Variants in PPHLN1 observed in about 807,000 individuals in gnomAD.
PPHLN1 encodes periphilin-1.
Under a neutral mutation model 51.3 loss-of-function variants are expected in PPHLN1, and 29 were observed. That is an observed-to-expected ratio of 0.57 (90% CI 0.42 to 0.77). PPHLN1 has a LOEUF of 0.77. Among genes scored for constraint, PPHLN1 ranks in the 30% least tolerant of loss-of-function variants. The pLI, the probability that PPHLN1 is intolerant of heterozygous loss-of-function variation, is 0.00. For synonymous variants in PPHLN1, 147 were observed against 147.8 expected, an observed-to-expected ratio of 0.99 and a Z score of 0.04; for missense variants, 436 against 438.4, an observed-to-expected ratio of 0.99 and a Z score of 0.05.
intron 5 of PPHLN1, among the ~76,000 whole-genome samples, chr12:42,378,513 A>G (rs903452084): frequency 1.3e-5 from 2 of 152,256 alleles, no homozygotes; most frequent in Admixed American, 6.5e-5. Context: ...TAAGTTTTCT[A>G]GTATAAATTG....
intron 9 of PPHLN1, among the ~76,000 whole-genome samples, chr12:42,420,698 T>G: frequency 4.5e-5 from 1 of 22,330 alleles, no homozygotes; most frequent in Admixed American, 5.2e-4. Context: ...TCCCCTCCCC[T>G]CCCTCCCTCT....
At chr12:42,360,470 T>A (rs1343963710) in intron 4 of PPHLN1, among the ~76,000 whole-genome samples, 1 of 88,592 alleles carries the variant, frequency 1.1e-5, no homozygotes, top group African/African-American at 4.5e-5. Context: ...TTTTTTTTTT[T>A]TTTTTTTTTT....
At chr12:42,366,036 A>G (rs1318645029) in intron 4 of PPHLN1, among the ~76,000 whole-genome samples, 1 of 151,996 alleles carries the variant, frequency 6.6e-6, no homozygotes, top group Non-Finnish European at 1.5e-5. Flanking sequence ...TGCAGTTTTT[A>G]CCTGGTGATT....
chr12:42,409,616 A>G (rs1047561133), intron 9 of PPHLN1, among the ~76,000 whole-genome samples: 1 of 152,110 alleles, frequency 6.6e-6, no homozygotes, highest in Non-Finnish European at 1.5e-5. Flanking sequence ...CATTTATGGT[A>G]TGTAAATTCC....
chr12:42,384,902 G>T, intron 5 of PPHLN1, 38 bp from the exon 6 acceptor site: 1 of 1,542,936 alleles, frequency 6.5e-7, no homozygotes, highest in South Asian at 1.1e-5. Flanking sequence ...GGGCACAGAG[G>T]TGCTGCTGTT....
intron 5 of PPHLN1, among the ~76,000 whole-genome samples, chr12:42,384,503 A>G (rs2077028109): frequency 6.6e-6 from 1 of 152,208 alleles, no homozygotes; most frequent in Non-Finnish European, 1.5e-5. Context: ...GGGGTGATCC[A>G]TCTTTCATTT....
chr12:42,391,564 G>T (rs143796751), intron 7 of PPHLN1, among the ~76,000 whole-genome samples: 1 of 152,128 alleles, frequency 6.6e-6, no homozygotes, highest in East Asian at 1.9e-4. Flanking sequence ...TTGCTAGAGA[G>T]AAGTCATATA....
intron 1 of PPHLN1, among the ~76,000 whole-genome samples, chr12:42,331,578 C>T (rs2069740056): frequency 6.6e-6 from 1 of 152,176 alleles, no homozygotes; most frequent in Admixed American, 6.5e-5. Flanking sequence ...TTAAATATCC[C>T]ATGATGGTAT....
chr12:42,425,089 T>TAC (rs2081329884), intron 9 of PPHLN1, among the ~76,000 whole-genome samples: 1 of 148,042 alleles, frequency 6.8e-6, no homozygotes, highest in Non-Finnish European at 1.5e-5. Flanking sequence ...TATGTACTTG[T>TAC]TTATTTTTGA....
At chr12:42,338,239 T>G (rs1021721428) in intron 2 of PPHLN1, among the ~76,000 whole-genome samples, 6 of 152,152 alleles carry the variant, frequency 3.9e-5, no homozygotes, top group Non-Finnish European at 7.3e-5. Context: ...ATTAGGAGTT[T>G]TAAATTCTGT....
intron 4 of PPHLN1, among the ~76,000 whole-genome samples, chr12:42,360,999 T>C (rs1438023495): frequency 2.0e-5 from 3 of 152,218 alleles, no homozygotes; most frequent in Non-Finnish European, 4.4e-5. Context: ...AGTTTTAGCA[T>C]CCACTGATGG....
intron 9 of PPHLN1, among the ~76,000 whole-genome samples, chr12:42,434,278 G>C (rs984746886): frequency 2.0e-5 from 3 of 152,228 alleles, no homozygotes; most frequent in Non-Finnish European, 4.4e-5. Flanking sequence ...ACTGGGGCCT[G>C]TTGGAGGCTG....
chr12:42,369,282 T>G (rs1459397686), intron 4 of PPHLN1, among the ~76,000 whole-genome samples: 1 of 152,212 alleles, frequency 6.6e-6, no homozygotes, highest in African/African-American at 2.4e-5. Flanking sequence ...TCTCGGCATT[T>G]CATCCTCTGT....
intron 9 of PPHLN1, among the ~76,000 whole-genome samples, chr12:42,403,018 A>G (rs1356625494): frequency 1.3e-5 from 2 of 152,200 alleles, no homozygotes; most frequent in Non-Finnish European, 2.9e-5. Flanking sequence ...GAAAATGTTA[A>G]CTAGAGTTGT....
Position 42,420,704 on chromosome 12 carries a change from C to CCTCT in PPHLN1, c.910-20595_910-20592dup, listed in dbSNP as rs200397432. Among the ~76,000 whole-genome samples, 128 of 110,346 alleles carry CCTCT rather than the reference C, an allele frequency of 1.2e-3. 1 individual carries two copies. Among genetic ancestry groups the CCTCT allele is most frequent in the South Asian group, 6.5e-3 (18 of 2,758 alleles). 72.4% of individuals were successfully genotyped at this position (110,346 alleles called of 152,430 possible). The stretch of plus-strand genomic sequence containing the variant: ...CCCCTCCCCTCCCCTCCCCTCCCTC[C>CCTCT]CTCTCTCTCTCTCTCTCTCATTTTG... On this transcript the variant is annotated intron_variant, in intron 9 of 9. Coordinates refer to ENST00000358314, the MANE Select transcript of PPHLN1 (RefSeq NM_201439.2).
intron 3 of PPHLN1, among the ~76,000 whole-genome samples, chr12:42,352,524 C>T (rs759952023): frequency 5.3e-5 from 8 of 151,640 alleles, no homozygotes; most frequent in Non-Finnish European, 8.8e-5. Context: ...ATTCTCCTGC[C>T]TCACCCTCCC....
chr12:42,398,257 T>TAGAA (rs1180883436), intron 8 of PPHLN1, among the ~76,000 whole-genome samples: 1 of 152,196 alleles, frequency 6.6e-6, no homozygotes, highest in African/African-American at 2.4e-5. Flanking sequence ...TTTGTGGGGT[T>TAGAA]TTCTTTTTAA....
downstream of PPHLN1, chr12:42,442,965 C>T (rs2083084989): frequency 1.2e-5 from 7 of 563,964 alleles, no homozygotes; most frequent in Non-Finnish European, 1.7e-5. Flanking sequence ...CACGCTGGAC[C>T]TAGAGCTTTG....
intron 9 of PPHLN1, among the ~76,000 whole-genome samples, chr12:42,413,526 ATG>A (rs71084648): frequency 0.044 from 5,988 of 136,444 alleles, 235 homozygotes; most frequent in African/African-American, 0.12. Flanking sequence ...ATATATGTAT[ATG>A]TGTGTGTGTG....
Sources: allele counts gnomAD v4.1 joint callset (sites outside exome capture counted in the v4.1 genomes callset), GRCh38; gene constraint gnomAD v4.1.1; transcripts MANE v1.5; gene names NCBI Gene and HGNC (gene_info 2026-07-23, HGNC 2026-07-21).